The following CHTF18 variants were observed in gnomAD, a reference collection of about 807,000 sequenced individuals.
CHTF18 encodes the protein chromosome transmission fidelity factor 18.
In CHTF18, 151 loss-of-function variants were observed where a neutral mutation model predicts 113.4. That is an observed-to-expected ratio of 1.33 (90% CI 1.17 to 1.52). The LOEUF (loss-of-function observed/expected upper bound fraction) is 1.52, where lower values mean the gene tolerates loss of function less well. CHTF18 is among the 40% of genes most tolerant of loss of function. The probability of loss-of-function intolerance (pLI) is 0.00; values close to 1 mark genes in which losing one functional copy is unlikely to be tolerated. For missense variants in CHTF18, 1,982 were observed against 1,381.6 expected, an observed-to-expected ratio of 1.43 and a Z score of -6.89; for synonymous variants, 916 against 598.8, an observed-to-expected ratio of 1.53 and a Z score of -7.74.
At chr16:790,451 ACTCCTAG>A (rs2042164546) in intron 6 of CHTF18, 52 bp downstream of exon 6, 6 of 1,609,870 alleles carry the variant, frequency 3.7e-6, no homozygotes, top group Non-Finnish European at 5.1e-6. Context: ...TCTTGCACCA[ACTCCTAG>A]CTCCTAGCGT....
intron 2 of CHTF18, 32 bp from the exon 3 acceptor site, chr16:789,178 G>A (rs1194320713): frequency 6.5e-7 from 1 of 1,550,210 alleles, no homozygotes; most frequent in East Asian, 2.4e-5. Flanking sequence ...AGGCTGAGGA[G>A]GCCTCTGGTT....
intron 20 of CHTF18, among the ~76,000 whole-genome samples, chr16:797,396 G>A (rs1350047249): frequency 1.3e-5 from 2 of 152,080 alleles, no homozygotes; most frequent in Non-Finnish European, 2.9e-5. Context: ...CTGGCTCAGT[G>A]CCCTAAGGGG....
chr16:791,014 C>CG, intron 7 of CHTF18, 147 bp from the exon 8 acceptor site: 1 of 1,471,634 alleles, frequency 6.8e-7, no homozygotes, highest in Non-Finnish European at 9.0e-7. Flanking sequence ...GTGAGCCTTG[C>CG]GGTCACTCGC....
rs572408641 is a variant in CHTF18 at position 794,436 on chromosome 16, C to T, written c.1950+235C>T. Among the ~76,000 whole-genome samples the T allele has an allele frequency of 2.2e-4, 33 of 152,188 alleles. 1 individual carries two copies. Among genetic ancestry groups the T allele is most frequent in the South Asian group, 4.1e-4 (2 of 4,826 alleles). ...CAAGGAGGTAGGGGCGGCCGTCTGA[C>T]GGGGGAGGTCGCTCTGGTGGCTGCT... On this transcript the variant is annotated intron_variant, in intron 15 of 21. Transcript: ENST00000262315.
At chr16:789,449 G>T (rs2042105620) in intron 3 of CHTF18, 89 bp downstream of exon 3, 9 of 1,535,196 alleles carry the variant, frequency 5.9e-6, no homozygotes, top group Non-Finnish European at 7.9e-6. Flanking sequence ...GGCCTGGGGG[G>T]TGGGGAGGGT....
chr16:791,870 C>T lies in CHTF18; in HGVS notation c.1124C>T (p.Pro375Leu). Residue 375 changes from proline to leucine, a missense_variant, in exon 9 of 22, where the codon CCC (proline) becomes CTC (leucine). Transcript: ENST00000262315. ...PKQKVALLCG[P>L]PGLGKTTLAH... ...CTGCAGGTGGCACTGCTCTGTGGGC[C>T]CCCGGGGCTGGGGAAGACCACCCTG... 2 of 1,607,372 alleles carry T rather than the reference C, an allele frequency of 1.2e-6. No homozygotes were observed. Among genetic ancestry groups the T allele is most frequent in the Non-Finnish European group, 1.7e-6 (2 of 1,177,828 alleles).
At chr16:790,310 C>T (rs1393054441) in intron 5 of CHTF18, 37 bp from the exon 6 acceptor site, 5 of 1,610,612 alleles carry the variant, frequency 3.1e-6, no homozygotes. Context: ...GGCGGGGCCG[C>T]CTGAGCCCTC....
chr16:789,791 C>G (rs1420795402), intron 4 of CHTF18, 76 bp downstream of exon 4: 5 of 1,452,342 alleles, frequency 3.4e-6, no homozygotes, highest in South Asian at 1.4e-5. Flanking sequence ...CCCCTCACCC[C>G]TGCCATTTGC....
rs2042314180 is a variant in CHTF18, at chr16:795,461, C to T, written c.2175+105C>T. On this transcript the variant is annotated intron_variant, in intron 16 of 21. Transcript: ENST00000262315. ...CGTGCCCGCCCCCCCAAACACACTGCCCGTGTGGCTGCCCCCGGCCCCGTG... is the reference window on the plus strand; with the variant it reads ...CGTGCCCGCCCCCCCAAACACACTGTCCGTGTGGCTGCCCCCGGCCCCGTG... The T allele has an allele frequency of 1.7e-5, 7 of 401,260 alleles. 2 individuals are homozygous for T. The highest frequency in any genetic ancestry group is 1.4e-4 in the South Asian group (4 of 27,972). 24.9% of individuals were successfully genotyped at this position (401,260 alleles called of 1,614,324 possible). A position where few individuals can be genotyped will look rare whatever the true frequency, so the allele number is the denominator to read the frequency against.
rs368279475 is a variant in CHTF18, at chr16:795,383, C to T, written c.2175+27C>T. 230 of 1,523,078 alleles carry T rather than the reference C, an allele frequency of 1.5e-4. 5 individuals are homozygous for T. In the African/African-American group the frequency reaches 2.9e-3, roughly 19 times the overall value. 94.3% of individuals were successfully genotyped at this position (1,523,078 alleles called of 1,614,324 possible). A position where few individuals can be genotyped will look rare whatever the true frequency, so the allele number is the denominator to read the frequency against. On this transcript the variant is annotated intron_variant, in intron 16 of 21. Transcript: ENST00000262315. ...TGTGCTCGTCCCTGCACCACGCCTG[C>T]CCCCGGCCCCGTGCCCGCCCCCCTG...
chr16:793,279 G>C lies in CHTF18; in HGVS notation c.1802+5G>C, dbSNP rs1283746168. The C allele has an allele frequency of 1.7e-5, 28 of 1,606,108 alleles. No homozygotes were observed. Among genetic ancestry groups the C allele is most frequent in the Non-Finnish European group, 2.4e-5 (28 of 1,178,070 alleles). On this transcript the variant is annotated splice_donor_5th_base_variant and intron_variant, in intron 14 of 21. Transcript: ENST00000262315. Reference sequence around the variant, plus strand: ...CCAGCTGCCTCGAGCCCAGAGGTAGGCGGTGGCCACAGCCTCGGCCCAGAT... The same window carrying C: ...CCAGCTGCCTCGAGCCCAGAGGTAGCCGGTGGCCACAGCCTCGGCCCAGAT...
rs1200529398 is a variant in CHTF18, at chr16:791,562, A to G, written c.1104+192A>G. On this transcript the variant is annotated intron_variant, in intron 8 of 21. Transcript: ENST00000262315. ...ACTCGGGGGAAGTCGTTGTCCCTGA[A>G]GGGCTCTGCGGCTGGCCAGGATGAT... is the stretch of plus-strand genomic sequence containing the variant. 4.2e-6 allele frequency: 6 copies of G among 1,434,206 alleles called. No homozygotes were observed. In the East Asian group the frequency reaches 1.3e-4, roughly 30 times the overall value. The allele number at this position is 1,434,206 out of a possible 1,614,324, so 88.8% of individuals were successfully genotyped here. A position where few individuals can be genotyped will look rare whatever the true frequency, so the allele number is the denominator to read the frequency against.
chr16:797,872 G>A lies in CHTF18; in HGVS notation c.2825G>A (p.Arg942Gln), dbSNP rs202178699. Residue 942 changes from arginine to glutamine, a missense_variant, in exon 22 of 22, where the codon CGG becomes CAG. Transcript: ENST00000262315. ...GCCCCGGAGCAGGACTCAGTGGAGC[G>A]GCGCATGGGCACAGCGGTGGGCAGG... ...DTAPEQDSVERRMGTAVGRSE... is the reference protein window; with the variant it reads ...DTAPEQDSVEQRMGTAVGRSE... 2.9e-5 allele frequency: 47 copies of A among 1,609,248 alleles called. No individual in the cohort carries two copies. The highest frequency in any genetic ancestry group is 6.7e-5 in the East Asian group (3 of 44,774).
At chr16:791,454 C>T (rs2042193488) in intron 8 of CHTF18, 84 bp downstream of exon 8, 10 of 1,476,986 alleles carry the variant, frequency 6.8e-6, no homozygotes, top group Admixed American at 4.4e-5. Context: ...TTGACTTTCT[C>T]CAGGAGCCGT....
intron 16 of CHTF18, 88 bp downstream of exon 16, chr16:795,444 C>A: frequency 1.8e-6 from 1 of 553,500 alleles, no homozygotes; most frequent in Non-Finnish European, 2.9e-6. Context: ...CCCGTGCCCG[C>A]CCCCCCAAAC....
chr16:795,653 G>GT (rs758398200), intron 16 of CHTF18, 32 bp from the exon 17 acceptor site: 25 of 1,522,524 alleles, frequency 1.6e-5, no homozygotes, highest in Non-Finnish European at 2.1e-5. Context: ...GGAGGCCCAG[G>GT]TGACCAGGCC....
At chr16:789,952 C>T (rs571360479) in intron 4 of CHTF18, 17 of 1,530,836 alleles carry the variant, frequency 1.1e-5, no homozygotes, top group African/African-American at 8.2e-5. Context: ...GCTTCCCCTC[C>T]TGCTTTTGCC....
chr16:794,456 G>T (rs2042284093), intron 15 of CHTF18, among the ~76,000 whole-genome samples: 1 of 152,148 alleles, frequency 6.6e-6, no homozygotes, highest in South Asian at 2.1e-4. Context: ...CGCTCTGGTG[G>T]CTGCTTGGGA....
In CHTF18 at chr16:795,186, G is replaced by C; in HGVS notation, c.2005G>C (p.Val669Leu). 6.4e-7 allele frequency: 1 copy of C among 1,558,814 alleles called. No individual in the cohort carries two copies. Among genetic ancestry groups the C allele is most frequent in the Non-Finnish European group, 8.7e-7 (1 of 1,151,618 alleles). Residue 669 changes from valine to leucine, a missense_variant, in exon 16 of 22, where the codon GTG (valine) becomes CTG (leucine). Physicochemically the swap from Val to Leu is conservative, Grantham distance 32. Coordinates refer to ENST00000262315, the MANE Select transcript of CHTF18 (RefSeq NM_022092.3). ...LRLRDSSLGA[V>L]CVALDWLAFD... is the part of the protein sequence containing the mutation. ...GCTGCGAGACTCCAGCCTGGGTGCT[G>C]TGTGTGTGGCCCTCGACTGGCTGGC...
Sources: allele counts gnomAD v4.1 joint callset (sites outside exome capture counted in the v4.1 genomes callset), GRCh38; gene constraint gnomAD v4.1.1; transcripts MANE v1.5; gene names NCBI Gene and HGNC (gene_info 2026-07-23, HGNC 2026-07-21).